ZNF469: variants seen among roughly 807,000 people sequenced by gnomAD.
ZNF469 encodes zinc finger protein 469.
Under a neutral mutation model 1.0 loss-of-function variants are expected in ZNF469, and 1 was observed. The ratio of observed to expected loss-of-function variants is 1.00; its 90% CI spans 0.35 to 4.73. The LOEUF is 4.73. Among genes scored for constraint, ZNF469 ranks in the 30% most tolerant of loss-of-function variants. ZNF469 has a pLI of 0.16. For synonymous variants in ZNF469, 2,703 were observed against 2,363.4 expected, an observed-to-expected ratio of 1.14 and a Z score of -4.17; for missense variants, 6,100 against 5,356.3, an observed-to-expected ratio of 1.14 and a Z score of -4.33.
chr16:88,428,317 GC>G lies in ZNF469; in HGVS notation c.849del (p.Ser284AlafsTer62). ...GTTCCCCTTCCCGGCACTGCATGGG[GC>G]CAGCACAAAACCCTTCCCTGCGGAT... ...FQFPFPALHG[A>X]STKPFPADVA... On this transcript the variant is annotated frameshift_variant, in exon 3 of 3. Transcript: ENST00000565624. LOFTEE classifies it low-confidence loss of function (END_TRUNC). 6.5e-7 allele frequency: 1 copy of G among 1,550,182 alleles called. No homozygotes were observed. The highest frequency in any genetic ancestry group is 8.7e-7 in the Non-Finnish European group (1 of 1,146,936).
chr16:88,287,577 A>G, the ZNF469 span, among the ~76,000 whole-genome samples: 1 of 152,196 alleles, frequency 6.6e-6, no homozygotes, highest in Admixed American at 6.5e-5. Context: ...TATCTGGTGG[A>G]TCATTTTATC....
chr16:88,119,310 C>T, the ZNF469 span, among the ~76,000 whole-genome samples: 1 of 152,214 alleles, frequency 6.6e-6, no homozygotes, highest in Admixed American at 6.5e-5. Flanking sequence ...TCGCTTCATC[C>T]CCGCACTCTT....
At chr16:88,285,381 G>A in the ZNF469 span, among the ~76,000 whole-genome samples, 1 of 152,280 alleles carries the variant, frequency 6.6e-6, no homozygotes, top group Non-Finnish European at 1.5e-5. Flanking sequence ...GGCAGGTGCA[G>A]CAGCCATGGT....
At chr16:88,231,133 CATGCTCATCAGAACCCATGG>C in the ZNF469 span, among the ~76,000 whole-genome samples, 1 of 152,182 alleles carries the variant, frequency 6.6e-6, no homozygotes, top group Non-Finnish European at 1.5e-5. This position sits in a 1 kb window ranked among gnomAD's most constrained non-coding sequence, Gnocchi z 4.5. Context: ...CCAGTTGGTT[CATGCTCATCAGAACCCATGG>C]ATGGCATTGC....
chr16:88,336,654 C>T, the ZNF469 span, among the ~76,000 whole-genome samples: 1 of 152,232 alleles, frequency 6.6e-6, no homozygotes, highest in Non-Finnish European at 1.5e-5. Flanking sequence ...ATATGTCCAT[C>T]CTTCACGTGA....
chr16:88,375,329 G>T, the ZNF469 span, among the ~76,000 whole-genome samples: 1 of 152,234 alleles, frequency 6.6e-6, no homozygotes, highest in African/African-American at 2.4e-5. Context: ...AGGGGCCAAG[G>T]CCACTAGCCC....
the ZNF469 span, among the ~76,000 whole-genome samples, chr16:88,345,906 G>C: frequency 6.6e-6 from 1 of 152,138 alleles, no homozygotes; most frequent in Non-Finnish European, 1.5e-5. Context: ...ATCTAGACCT[G>C]CTCCCTCGTC....
upstream of ZNF469, among the ~76,000 whole-genome samples, chr16:88,381,010 A>C (rs2092521906): frequency 7.0e-6 from 1 of 141,890 alleles, no homozygotes; most frequent in Admixed American, 7.1e-5. Context: ...ACTCACACAC[A>C]TGCGCTCACA....
In ZNF469 at chr16:88,436,804, C is replaced by T. The variant is rs766808845; in HGVS notation, c.9334C>T (p.Arg3112Trp). ...CAGAGGCCGGCCGGCCAAGGGCAGG[C>T]GGGCCTCCTACAAGTGCAAAGTGTG... is the stretch of plus-strand genomic sequence containing the variant. ...QGRGRPAKGR[R>W]ASYKCKVCFQ... Residue 3112 changes from arginine (R) to tryptophan (W), a missense_variant, in exon 3 of 3, where the codon CGG becomes TGG. Transcript: ENST00000565624. 27 of 1,541,306 alleles carry T rather than the reference C, an allele frequency of 1.8e-5. No homozygotes were observed. The highest frequency in any genetic ancestry group is 9.8e-5 in the East Asian group (4 of 40,886).
the ZNF469 span, among the ~76,000 whole-genome samples, chr16:88,341,403 G>A: frequency 0.095 from 14,521 of 152,228 alleles, 907 homozygotes; most frequent in South Asian, 0.17. Flanking sequence ...GGGACGTGCT[G>A]GGCAGCGTGA....
At chr16:88,340,752 G>T in the ZNF469 span, among the ~76,000 whole-genome samples, 1 of 150,922 alleles carries the variant, frequency 6.6e-6, no homozygotes, top group Non-Finnish European at 1.5e-5. Flanking sequence ...CAGCAGAGGG[G>T]AGGGTGGGTC....
At chr16:88,323,439 G>C in the ZNF469 span, among the ~76,000 whole-genome samples, 8 of 152,336 alleles carry the variant, frequency 5.3e-5, no homozygotes, top group Non-Finnish European at 8.8e-5. Context: ...CTTCTCTGTA[G>C]CATTTGTGTT....
At chr16:88,414,414 AC>A in intron 1 of ZNF469, among the ~76,000 whole-genome samples, 1 of 152,262 alleles carries the variant, frequency 6.6e-6, no homozygotes, top group East Asian at 1.9e-4. Flanking sequence ...CGTTACCTCC[AC>A]CCCAAAGAGC....
chr16:88,242,895 A>G, the ZNF469 span, among the ~76,000 whole-genome samples: 4 of 152,376 alleles, frequency 2.6e-5, no homozygotes, highest in Admixed American at 6.5e-5. Context: ...GGAAGGAGCT[A>G]GCTGGGAAAC....
chr16:88,328,034 G>A, the ZNF469 span, among the ~76,000 whole-genome samples: 5 of 152,174 alleles, frequency 3.3e-5, no homozygotes, highest in Admixed American at 6.5e-5. Flanking sequence ...AGCAGCTCCC[G>A]GCACACACGG....
the ZNF469 span, chr16:88,192,373 C>T: frequency 6.6e-6 from 1 of 152,198 alleles, no homozygotes; most frequent in African/African-American, 2.4e-5. Context: ...AAAACACCCC[C>T]TTGGTAACTC....
At chr16:88,272,834 G>T in the ZNF469 span, among the ~76,000 whole-genome samples, 1 of 150,450 alleles carries the variant, frequency 6.6e-6, no homozygotes, top group Non-Finnish European at 1.5e-5. Context: ...GAACAGGTGG[G>T]TGTGTGGATA....
chr16:88,365,968 G>A, the ZNF469 span, among the ~76,000 whole-genome samples: 1 of 152,148 alleles, frequency 6.6e-6, no homozygotes, highest in Non-Finnish European at 1.5e-5. Context: ...GCAGAAATCT[G>A]CAACATTCTG....
At chr16:88,165,584 G>A in the ZNF469 span, among the ~76,000 whole-genome samples, 1 of 152,188 alleles carries the variant, frequency 6.6e-6, no homozygotes, top group African/African-American at 2.4e-5. Flanking sequence ...GTGGGCCAGG[G>A]CTTCAGCACG....
Sources: allele counts gnomAD v4.1 joint callset (sites outside exome capture counted in the v4.1 genomes callset), GRCh38; gene constraint gnomAD v4.1.1; non-coding constraint Gnocchi (gnomAD v3.1); transcripts MANE v1.5; gene names NCBI Gene and HGNC (gene_info 2026-07-23, HGNC 2026-07-21).